The following APBB1IP variants were observed in gnomAD, a reference collection of about 807,000 sequenced individuals.
APBB1IP encodes amyloid beta precursor protein binding family B member 1 interacting protein, also known as amyloid beta A4 precursor protein-binding family B member 1-interacting protein.
In APBB1IP, 27 loss-of-function variants were observed where a neutral mutation model predicts 64.9. The observed-to-expected ratio is 0.42, with a 90% CI of 0.31 to 0.57. The LOEUF (loss-of-function observed/expected upper bound fraction) is 0.57, where lower values mean the gene tolerates loss of function less well. Among genes scored for constraint, APBB1IP ranks in the 20% least tolerant of loss-of-function variants. The pLI is 0.20. For synonymous variants in APBB1IP, 392 were observed against 331.0 expected, an observed-to-expected ratio of 1.18 and a Z score of -2.00; for missense variants, 812 against 845.5, an observed-to-expected ratio of 0.96 and a Z score of 0.49.
rs2992334 is a variant in APBB1IP, at chr10:26,438,808, T to C, written c.-46T>C. 92,434 of 152,358 alleles carry C rather than the reference T, an allele frequency of 0.61. 28,587 individuals are homozygous for C. The highest frequency in any genetic ancestry group is 0.92 in the East Asian group (4,749 of 5,152). 9.4% of individuals were successfully genotyped at this position (152,358 alleles called of 1,614,324 possible). A position where few individuals can be genotyped will look rare whatever the true frequency, so the allele number is the denominator to read the frequency against. On this transcript the variant is annotated 5_prime_UTR_variant, in exon 2 of 15. Coordinates refer to ENST00000376236, the MANE Select transcript of APBB1IP (RefSeq NM_019043.4). ...CCGCGCGTCGCTTTCCCGGCCGGAG[T>C]CTCGCCGCCTTCCCGCGCCCCGCAG...
chr10:26,541,348 A>G (rs1564373584), intron 10 of APBB1IP, among the ~76,000 whole-genome samples: 1 of 152,166 alleles, frequency 6.6e-6, no homozygotes, highest in Non-Finnish European at 1.5e-5. Context: ...ATTGGGAAAG[A>G]TTTATGTATA....
At chr10:26,481,439 C>T (rs1020395980) in intron 2 of APBB1IP, among the ~76,000 whole-genome samples, 21 of 152,058 alleles carry the variant, frequency 1.4e-4, no homozygotes, top group African/African-American at 7.2e-5. Flanking sequence ...TGGAAATAAG[C>T]ACATTTAAAA....
chr10:26,503,146 C>T (rs1361841315), intron 5 of APBB1IP, 51 bp from the exon 6 acceptor site: 6 of 1,556,400 alleles, frequency 3.9e-6, no homozygotes, highest in African/African-American at 2.7e-5. Flanking sequence ...AGTGATTACT[C>T]ACTGGTATTA....
intron 3 of APBB1IP, among the ~76,000 whole-genome samples, chr10:26,495,642 C>T (rs1260083360): frequency 1.3e-5 from 2 of 149,242 alleles, no homozygotes; most frequent in Non-Finnish European, 3.0e-5. Context: ...GGAAAGAGGC[C>T]CCTTTTAGTC....
rs182143598 is a variant in APBB1IP at position 26,469,538 on chromosome 10, C to T, written c.1-22789C>T. Among the ~76,000 whole-genome samples, 193 of 152,232 alleles carry T rather than the reference C, an allele frequency of 1.3e-3. 1 individual carries two copies. Among genetic ancestry groups the T allele is most frequent in the Admixed American group, 5.0e-3 (76 of 15,296 alleles). ...GTGCTGGGATTACAGGCGTGAACCA[C>T]CGCACCTGGCCAATATAAGCATTTT... On this transcript the variant is annotated intron_variant, in intron 2 of 14. Transcript: ENST00000376236.
At chr10:26,448,290 A>T (rs141344790) in intron 2 of APBB1IP, among the ~76,000 whole-genome samples, 19 of 152,250 alleles carry the variant, frequency 1.2e-4, no homozygotes, top group African/African-American at 4.6e-4. Context: ...TGATCTTCCC[A>T]CTTCAGCCTC....
Position 26,501,010 on chromosome 10 carries a change from G to A in APBB1IP, c.352G>A (p.Ala118Thr). 2 of 1,614,172 alleles carry A rather than the reference G, an allele frequency of 1.2e-6. No homozygotes were observed. Among genetic ancestry groups the A allele is most frequent in the Non-Finnish European group, 1.7e-6 (2 of 1,180,028 alleles). ...TCTTGGTTATGGAACAAATGTTGCT[G>A]CCACTGGTATCAGCCAATATGAGGA... ...ASLGYGTNVA[A>T]TGISQYEDDL... The change falls in exon 5 of 15, where the codon GCC (alanine) becomes ACC (threonine). Residue 118 changes from alanine to threonine, a missense_variant. By Grantham distance (58) the Ala-to-Thr change is moderately conservative. Coordinates refer to ENST00000376236, the MANE Select transcript of APBB1IP (RefSeq NM_019043.4).
chr10:26,529,737 C>A (rs561845851), intron 8 of APBB1IP, among the ~76,000 whole-genome samples: 19 of 152,264 alleles, frequency 1.2e-4, no homozygotes, highest in Admixed American at 1.0e-3. Flanking sequence ...ACTTCCCAGT[C>A]TCAAGTGATT....
chr10:26,562,505 A>G, intron 14 of APBB1IP, 76 bp downstream of exon 14: 3 of 1,311,254 alleles, frequency 2.3e-6, no homozygotes, highest in Non-Finnish European at 3.3e-6. Context: ...TGCTCTTTTA[A>G]AAAGAGAAAA....
In APBB1IP at chr10:26,457,091, A is replaced by G. The variant is rs1835535752; in HGVS notation, c.-1+18238A>G. Among the ~76,000 whole-genome samples the G allele has an allele frequency of 2.6e-5, 4 of 152,168 alleles. No homozygotes were observed. In the East Asian group the frequency reaches 7.7e-4, roughly 29 times the overall value. ...GTTTCTTTAGCAAGAGAGGGATACT[A>G]TCTGAAAAGAGGAGTCCTTGTGTCC... On this transcript the variant is annotated intron_variant, in intron 2 of 14. Coordinates refer to ENST00000376236, the MANE Select transcript of APBB1IP (RefSeq NM_019043.4).
chr10:26,523,113 C>T (rs1442091903), intron 8 of APBB1IP, among the ~76,000 whole-genome samples: 1 of 151,664 alleles, frequency 6.6e-6, no homozygotes, highest in Non-Finnish European at 1.5e-5. Context: ...CTGGTTAATT[C>T]CAGGATCAAA....
chr10:26,549,974 T>A (rs1224274451), intron 11 of APBB1IP, among the ~76,000 whole-genome samples: 1 of 151,974 alleles, frequency 6.6e-6, no homozygotes, highest in Non-Finnish European at 1.5e-5. Flanking sequence ...GCTGAAAAAG[T>A]CTTTATCTCC....
At chr10:26,525,811 G>A (rs1029857438) in intron 8 of APBB1IP, among the ~76,000 whole-genome samples, 8 of 152,174 alleles carry the variant, frequency 5.3e-5, no homozygotes, top group East Asian at 1.9e-4. Context: ...GTGGACAGTC[G>A]TGCAGAAGTG....
intron 6 of APBB1IP, among the ~76,000 whole-genome samples, chr10:26,509,214 AC>A (rs1409593415): frequency 6.6e-6 from 1 of 152,222 alleles, no homozygotes; most frequent in Non-Finnish European, 1.5e-5. Context: ...AGTTGGGCCT[AC>A]CATTTTATCA....
intron 8 of APBB1IP, among the ~76,000 whole-genome samples, chr10:26,530,482 G>A (rs550088737): frequency 6.6e-6 from 1 of 152,098 alleles, no homozygotes; most frequent in South Asian, 2.1e-4. Context: ...ACAAGGTCAG[G>A]AGATCGAGAC....
At chr10:26,525,416 T>A (rs1836461102) in intron 8 of APBB1IP, among the ~76,000 whole-genome samples, 1 of 152,214 alleles carries the variant, frequency 6.6e-6, no homozygotes. Context: ...GTTGCTTTTC[T>A]CTTGTTACTC....
At chr10:26,558,738 C>T (rs1272050659) in intron 11 of APBB1IP, among the ~76,000 whole-genome samples, 1 of 152,038 alleles carries the variant, frequency 6.6e-6, no homozygotes, top group Non-Finnish European at 1.5e-5. Context: ...GATGGCACAA[C>T]TGCACTCCAA....
intron 7 of APBB1IP, among the ~76,000 whole-genome samples, chr10:26,512,677 G>A (rs1224754358): frequency 6.6e-6 from 1 of 152,094 alleles, no homozygotes; most frequent in Admixed American, 6.6e-5. Flanking sequence ...CGCAATCACG[G>A]GTCACTGCAG....
chr10:26,457,268 T>C (rs1177296442), intron 2 of APBB1IP, among the ~76,000 whole-genome samples: 1 of 152,226 alleles, frequency 6.6e-6, no homozygotes, highest in East Asian at 1.9e-4. Flanking sequence ...TAATGTACGC[T>C]TCTTTTTCAG....
Sources: allele counts gnomAD v4.1 joint callset (sites outside exome capture counted in the v4.1 genomes callset), GRCh38; gene constraint gnomAD v4.1.1; transcripts MANE v1.5; gene names NCBI Gene and HGNC (gene_info 2026-07-23, HGNC 2026-07-21).